Variants in AGBL1 observed in about 807,000 individuals in gnomAD.
The protein encoded by AGBL1 is cytosolic carboxypeptidase 4.
AGBL1 carries 130 observed loss-of-function variants against 118.9 expected under a neutral mutation model. That is an observed-to-expected ratio of 1.09 (90% CI 0.95 to 1.26). The LOEUF is 1.26. Among genes scored for constraint, AGBL1 ranks in the 50% most tolerant of loss-of-function variants. The probability of loss-of-function intolerance (pLI) is 0.00; values close to 1 mark genes in which losing one functional copy is unlikely to be tolerated. For missense variants in AGBL1, 1,584 were observed against 1,298.1 expected, an observed-to-expected ratio of 1.22 and a Z score of -3.38; for synonymous variants, 555 against 478.9, an observed-to-expected ratio of 1.16 and a Z score of -2.08.
chr15:86,986,644 G>A (rs1183832777), intron 23 of AGBL1, among the ~76,000 whole-genome samples: 1 of 152,146 alleles, frequency 6.6e-6, no homozygotes, highest in East Asian at 1.9e-4. Flanking sequence ...CTATAGATCA[G>A]TTTGAGAGAA....
chr15:86,187,773 A>C (rs542971819), intron 5 of AGBL1, among the ~76,000 whole-genome samples: 1 of 152,324 alleles, frequency 6.6e-6, no homozygotes, highest in East Asian at 1.9e-4. Flanking sequence ...GCACTATCCC[A>C]AGGTGTAGCA....
chr15:86,565,286 T>C (rs1230426694), intron 21 of AGBL1, among the ~76,000 whole-genome samples: 1 of 152,234 alleles, frequency 6.6e-6, no homozygotes, highest in African/African-American at 2.4e-5. Flanking sequence ...TCTTTGATGA[T>C]GGTGACGTAC....
At chr15:86,209,255 A>C (rs1260174119) in intron 5 of AGBL1, among the ~76,000 whole-genome samples, 1 of 152,196 alleles carries the variant, frequency 6.6e-6, no homozygotes, top group East Asian at 1.9e-4. Flanking sequence ...CTATTTTAGA[A>C]TAAGTGTGAT....
intron 5 of AGBL1, among the ~76,000 whole-genome samples, chr15:86,185,319 T>C (rs1279168075): frequency 1.3e-5 from 2 of 152,214 alleles, no homozygotes; most frequent in South Asian, 2.1e-4. Context: ...CACTGTAAAC[T>C]AGTTCAACCA....
At chr15:86,972,969 G>C (rs1279303284) in intron 23 of AGBL1, among the ~76,000 whole-genome samples, 5 of 151,876 alleles carry the variant, frequency 3.3e-5, no homozygotes, top group Non-Finnish European at 7.4e-5. Flanking sequence ...AAGCAGTATA[G>C]CTCGGTGGTT....
At chr15:86,204,180 A>G (rs1350791937) in intron 5 of AGBL1, among the ~76,000 whole-genome samples, 1 of 152,156 alleles carries the variant, frequency 6.6e-6, no homozygotes, top group African/African-American at 2.4e-5. Flanking sequence ...AGGAATCCTC[A>G]TTCTATGCTT....
intron 23 of AGBL1, among the ~76,000 whole-genome samples, chr15:86,984,796 A>T (rs1393614524): frequency 6.6e-6 from 1 of 152,152 alleles, no homozygotes; most frequent in Non-Finnish European, 1.5e-5. Flanking sequence ...CATTAAAAAA[A>T]TATCCATTTA....
rs1271162799 is a variant in AGBL1 at position 86,908,506 on chromosome 15, TCAAA to T, written c.*1216_*1219del. ...CCCGGCAACAGAGCAAGACTCTGTC[TCAAA>T]CAACAACAACAACAACGACGACAAA... is the stretch of plus-strand genomic sequence containing the variant. On this transcript the variant is annotated 3_prime_UTR_variant, in exon 23 of 23. Transcript: ENST00000614907. The T allele has an allele frequency of 6.6e-6, 1 of 152,026 alleles. No individual in the cohort carries two copies. Among genetic ancestry groups the T allele is most frequent in the African/African-American group, 2.4e-5 (1 of 41,330 alleles). The allele number at this position is 152,026 out of a possible 1,614,324, so 9.4% of individuals were successfully genotyped here.
intron 4 of AGBL1, among the ~76,000 whole-genome samples, chr15:86,156,898 T>C (rs2077200260): frequency 6.6e-6 from 1 of 151,724 alleles, no homozygotes; most frequent in African/African-American, 2.4e-5. Flanking sequence ...CAAATGATTC[T>C]CGTGCCTTAG....
At chr15:86,897,367 C>A (rs2080143321) in intron 22 of AGBL1, among the ~76,000 whole-genome samples, 1 of 151,994 alleles carries the variant, frequency 6.6e-6, no homozygotes, top group Non-Finnish European at 1.5e-5. Context: ...ATATGATGCA[C>A]CATTTTGAGC....
intron 22 of AGBL1, among the ~76,000 whole-genome samples, chr15:86,874,206 A>G (rs1013663298): frequency 3.3e-5 from 5 of 152,188 alleles, no homozygotes; most frequent in African/African-American, 9.7e-5. Flanking sequence ...ATATTTTCCA[A>G]TCCATTCCAC....
chr15:86,342,090 C>T (rs745624800), intron 17 of AGBL1, among the ~76,000 whole-genome samples: 18 of 152,090 alleles, frequency 1.2e-4, no homozygotes, highest in African/African-American at 3.4e-4. Flanking sequence ...TGAAGATGAA[C>T]GCTTTCTCAA....
At chr15:86,095,988 A>AT (rs905440669) in intron 1 of AGBL1, among the ~76,000 whole-genome samples, 1 of 151,556 alleles carries the variant, frequency 6.6e-6, no homozygotes, top group Non-Finnish European at 1.5e-5. Context: ...CTACTTTTAT[A>AT]TTTTTTTTCA....
downstream of AGBL1, among the ~76,000 whole-genome samples, chr15:87,029,534 C>T (rs1318351116): frequency 6.6e-6 from 1 of 151,832 alleles, no homozygotes; most frequent in East Asian, 1.9e-4. Context: ...TAGTAATGGC[C>T]ACTACCCCTT....
intron 7 of AGBL1, among the ~76,000 whole-genome samples, chr15:86,253,167 G>C (rs1011607482): frequency 3.9e-5 from 6 of 152,186 alleles, no homozygotes; most frequent in Non-Finnish European, 7.3e-5. Flanking sequence ...GCATGAGATT[G>C]AGTTGGAGTC....
At chr15:86,223,123 T>C (rs1468547467) in intron 5 of AGBL1, among the ~76,000 whole-genome samples, 2 of 152,150 alleles carry the variant, frequency 1.3e-5, no homozygotes, top group African/African-American at 4.8e-5. Flanking sequence ...AAGACCTTAT[T>C]ATTACTTATT....
chr15:86,427,946 C>G lies in AGBL1; in HGVS notation c.2555+30400C>G, dbSNP rs148391060. The stretch of plus-strand genomic sequence containing the variant: ...CCTTTTCCTTTATTATTCTTGACCT[C>G]GTAGAGAGAAGTAACATACAAAATG... On this transcript the variant is annotated intron_variant, in intron 18 of 22. Coordinates refer to ENST00000614907, the MANE Select transcript of AGBL1 (RefSeq NM_001386094.1). 8.2e-4 allele frequency among the ~76,000 whole-genome samples: 125 copies of G among 152,054 alleles called. 9 individuals carry two copies. Among genetic ancestry groups the G allele is most frequent in the Non-Finnish European group, 5.9e-5 (4 of 68,022 alleles).
intron 1 of AGBL1, among the ~76,000 whole-genome samples, chr15:86,115,995 A>T (rs1234329710): frequency 6.6e-6 from 1 of 152,160 alleles, no homozygotes; most frequent in Non-Finnish European, 1.5e-5. Flanking sequence ...AGATCATGTC[A>T]CTTTTCCAAC....
chr15:86,913,200 T>TACACACACACACACACACACACACAC lies in AGBL1; in HGVS notation c.*5909_*5934dup, dbSNP rs10556535. On this transcript the variant is annotated 3_prime_UTR_variant, in exon 23 of 23. Coordinates refer to ENST00000614907, the MANE Select transcript of AGBL1 (RefSeq NM_001386094.1). ...TTGAGTTCCCCACCACACACACACA[T>TACACACACACACACACACACACACAC]ACACACACACACACACACACACACA... 2 of 148,424 alleles carry TACACACACACACACACACACACACAC rather than the reference T, an allele frequency of 1.3e-5. No individual in the cohort carries two copies. Among genetic ancestry groups the TACACACACACACACACACACACACAC allele is most frequent in the Non-Finnish European group, 3.0e-5 (2 of 66,936 alleles). 9.2% of individuals were successfully genotyped at this position (148,424 alleles called of 1,614,324 possible).
Sources: allele counts gnomAD v4.1 joint callset (sites outside exome capture counted in the v4.1 genomes callset), GRCh38; gene constraint gnomAD v4.1.1; transcripts MANE v1.5; gene names NCBI Gene and HGNC (gene_info 2026-07-23, HGNC 2026-07-21).